Variants in ZNF362 observed in about 807,000 individuals in gnomAD.
ZNF362 encodes the protein zinc finger protein 362.
A neutral mutation model predicts 42.9 loss-of-function variants in ZNF362; 11 were observed. The observed-to-expected ratio is 0.26, with a 90% CI of 0.16 to 0.42. The LOEUF (loss-of-function observed/expected upper bound fraction) is 0.42, where lower values mean the gene tolerates loss of function less well. Ranked by LOEUF, ZNF362 falls within the 20% of genes least tolerant of loss-of-function variation. ZNF362 has a pLI of 1.00. For synonymous variants in ZNF362, 255 were observed against 257.3 expected (o/e 0.99, Z 0.09); for missense variants, 362 against 576.2 (o/e 0.63, Z 3.81).
chr1:33,236,572 T>TATATATATATATATATATATAC, the ZNF362 span, among the ~76,000 whole-genome samples: 3 of 98,700 alleles, frequency 3.0e-5, no homozygotes, highest in South Asian at 4.2e-4. Flanking sequence ...TATATATATA[T>TATATATATATATATATATATAC]ACATACACAC....
chr1:33,187,462 A>AAGGAAG, the ZNF362 span, among the ~76,000 whole-genome samples: 1 of 152,202 alleles, frequency 6.6e-6, no homozygotes, highest in Non-Finnish European at 1.5e-5. Flanking sequence ...AGAGGAGAAG[A>AAGGAAG]AGGAAGAGGA....
At chr1:33,208,246 A>T in the ZNF362 span, among the ~76,000 whole-genome samples, 1 of 151,604 alleles carries the variant, frequency 6.6e-6, no homozygotes, top group Non-Finnish European at 1.5e-5. Context: ...ATGGTTGTAG[A>T]CGTGTTATTT....
At chr1:33,188,551 G>A in the ZNF362 span, among the ~76,000 whole-genome samples, 3 of 152,210 alleles carry the variant, frequency 2.0e-5, no homozygotes, top group Non-Finnish European at 4.4e-5. Context: ...GCACCTCCAG[G>A]GTGGTTGGGT....
chr1:33,260,733 C>T (rs1180448796), intron 1 of ZNF362, among the ~76,000 whole-genome samples: 1 of 152,160 alleles, frequency 6.6e-6, no homozygotes, highest in Admixed American at 6.5e-5. Flanking sequence ...TGTGGCAGCG[C>T]ATTGCCTGGG....
chr1:33,161,060 T>C, the ZNF362 span, among the ~76,000 whole-genome samples: 2 of 152,266 alleles, frequency 1.3e-5, no homozygotes, highest in Non-Finnish European at 2.9e-5. This position sits in a 1 kb window ranked among gnomAD's most constrained non-coding sequence, Gnocchi z 4.3. Flanking sequence ...CTAAGAGCTG[T>C]GAACCTTAGT....
chr1:33,168,205 C>G, the ZNF362 span, among the ~76,000 whole-genome samples: 7 of 152,074 alleles, frequency 4.6e-5, no homozygotes, highest in Non-Finnish European at 1.5e-5. Context: ...AGAGCCCATG[C>G]TGATGCAATT....
At chr1:33,173,760 G>A in the ZNF362 span, among the ~76,000 whole-genome samples, 1 of 151,362 alleles carries the variant, frequency 6.6e-6, no homozygotes, top group Non-Finnish European at 1.5e-5. Context: ...GTGCAGTGGT[G>A]CAATCATAGC....
chr1:33,146,869 T>G, the ZNF362 span: 1 of 388,604 alleles, frequency 2.6e-6, no homozygotes, highest in South Asian at 3.0e-5. Flanking sequence ...CACTGGAAGG[T>G]AGTCCCCTGC....
the ZNF362 span, among the ~76,000 whole-genome samples, chr1:33,238,413 G>A: frequency 1.4e-4 from 13 of 95,490 alleles, no homozygotes; most frequent in African/African-American, 4.6e-4. Flanking sequence ...AATAAAAAAA[G>A]AGATCTCTGC....
chr1:33,243,019 C>G, the ZNF362 span, among the ~76,000 whole-genome samples: 1 of 151,912 alleles, frequency 6.6e-6, no homozygotes, highest in Non-Finnish European at 1.5e-5. Flanking sequence ...TCTTTCTGTT[C>G]TATTTTTTTC....
the ZNF362 span, among the ~76,000 whole-genome samples, chr1:33,140,848 G>A: frequency 2.0e-5 from 3 of 152,172 alleles, no homozygotes; most frequent in Non-Finnish European, 4.4e-5. The surrounding 1 kb of genome is among the most constrained non-coding windows in gnomAD (Gnocchi z 4.0). Context: ...CCTGGTGCCT[G>A]GGGTTGTTGG....
At chr1:33,268,790 A>C (rs984847894) in intron 1 of ZNF362, among the ~76,000 whole-genome samples, 1 of 152,236 alleles carries the variant, frequency 6.6e-6, no homozygotes, top group African/African-American at 2.4e-5. Context: ...CAGGGGCCGC[A>C]CATGTAAGGC....
intron 1 of ZNF362, among the ~76,000 whole-genome samples, chr1:33,263,114 A>T (rs376435026): frequency 6.6e-6 from 1 of 152,244 alleles, no homozygotes; most frequent in Non-Finnish European, 1.5e-5. Flanking sequence ...TGAGTCTTGC[A>T]TGCACATGCT....
At chr1:33,214,999 C>T in the ZNF362 span, among the ~76,000 whole-genome samples, 1 of 152,144 alleles carries the variant, frequency 6.6e-6, no homozygotes, top group African/African-American at 2.4e-5. Flanking sequence ...AGTAGGTATA[C>T]ATCCAAATAA....
At chr1:33,148,789 G>T in the ZNF362 span, among the ~76,000 whole-genome samples, 25 of 152,190 alleles carry the variant, frequency 1.6e-4, 1 homozygote, top group African/African-American at 6.0e-4. Context: ...GTAGACAATG[G>T]GTCTGAAAAG....
chr1:33,151,484 A>G, the ZNF362 span, among the ~76,000 whole-genome samples: 1 of 152,098 alleles, frequency 6.6e-6, no homozygotes, highest in Non-Finnish European at 1.5e-5. Flanking sequence ...TAACAGGAGT[A>G]ACAACCTTCA....
At chr1:33,191,124 C>A in the ZNF362 span, among the ~76,000 whole-genome samples, 1 of 152,204 alleles carries the variant, frequency 6.6e-6, no homozygotes, top group Non-Finnish European at 1.5e-5. Flanking sequence ...CTGCTTTTGT[C>A]ATTGCTATCT....
At chr1:33,260,088 A>G (rs1570379280) in intron 1 of ZNF362, among the ~76,000 whole-genome samples, 1 of 152,176 alleles carries the variant, frequency 6.6e-6, no homozygotes, top group Non-Finnish European at 1.5e-5. Flanking sequence ...AGGATTGCTG[A>G]TGACTGTCCT....
the ZNF362 span, among the ~76,000 whole-genome samples, chr1:33,129,718 A>G: frequency 6.6e-6 from 1 of 152,174 alleles, no homozygotes; most frequent in South Asian, 2.1e-4. This position sits in a 1 kb window ranked among gnomAD's most constrained non-coding sequence, Gnocchi z 4.1. Context: ...TGGTTTGCAA[A>G]CTAATATCAC....
Sources: allele counts gnomAD v4.1 joint callset (sites outside exome capture counted in the v4.1 genomes callset), GRCh38; gene constraint gnomAD v4.1.1; non-coding constraint Gnocchi (gnomAD v3.1); transcripts MANE v1.5; gene names NCBI Gene and HGNC (gene_info 2026-07-23, HGNC 2026-07-21).